Variants in SNX25 observed in about 807,000 individuals in gnomAD.
SNX25 encodes the protein sorting nexin-25.
In SNX25, 62 loss-of-function variants were observed where a neutral mutation model predicts 113.7. The ratio of observed to expected loss-of-function variants is 0.55; its 90% CI spans 0.44 to 0.67. The LOEUF is 0.67. SNX25 is among the 30% of genes least tolerant of loss of function. The probability of loss-of-function intolerance (pLI) is 0.00; values close to 1 mark genes in which losing one functional copy is unlikely to be tolerated. For missense variants in SNX25, 1,014 were observed against 1,161.0 expected (o/e 0.87, Z 1.84); for synonymous variants, 421 against 436.2 (o/e 0.97, Z 0.43).
rs188084757 is a variant in SNX25 at position 185,331,917 on chromosome 4, T to C, written c.1750-678T>C. ...TGGAACAAGAAAACCTGGAAGAAAG[T>C]TAAGGATAAACCAGAAGCTAGATCT... On this transcript the variant is annotated intron_variant, in intron 9 of 18. Coordinates refer to ENST00000652585, the MANE Select transcript of SNX25 (RefSeq NM_001378034.2). Among the ~76,000 whole-genome samples, 75 of 152,338 alleles carry C rather than the reference T, an allele frequency of 4.9e-4. 2 individuals carry two copies. The highest frequency in any genetic ancestry group is 4.6e-3 in the Admixed American group (71 of 15,310).
intron 1 of SNX25, among the ~76,000 whole-genome samples, chr4:185,235,831 A>T (rs3108281): frequency 0.65 from 98,518 of 152,064 alleles, 32,057 homozygotes; most frequent in East Asian, 0.75. Flanking sequence ...CCCTGCGGAG[A>T]CTGTCCTGCA....
intron 7 of SNX25, among the ~76,000 whole-genome samples, chr4:185,315,408 C>T (rs982840993): frequency 4.0e-5 from 6 of 151,174 alleles, no homozygotes; most frequent in Non-Finnish European, 7.4e-5. Flanking sequence ...ATTCTCCTCC[C>T]TCAGCCTCCC....
At chr4:185,340,984 G>A (rs1449156013) in intron 11 of SNX25, among the ~76,000 whole-genome samples, 2 of 152,198 alleles carry the variant, frequency 1.3e-5, no homozygotes, top group Non-Finnish European at 2.9e-5. Flanking sequence ...CAGGGACCCT[G>A]TCTGTGCCTC....
chr4:185,351,441 A>G lies in SNX25; in HGVS notation c.2302-4A>G, dbSNP rs1218814828. The stretch of plus-strand genomic sequence containing the variant: ...TGGAGCAGTTAATCCTCTTTCTTCC[A>G]TAGAATCTGCTTTCAGATGAAAGAC... On this transcript the variant is annotated splice_polypyrimidine_tract_variant and splice_region_variant and intron_variant, in intron 13 of 18. Transcript: ENST00000652585. 6.2e-7 allele frequency: 1 copy of G among 1,612,998 alleles called. No homozygotes were observed. Among genetic ancestry groups the G allele is most frequent in the Non-Finnish European group, 8.5e-7 (1 of 1,179,706 alleles).
intron 5 of SNX25, among the ~76,000 whole-genome samples, chr4:185,281,442 C>A (rs1750545866): frequency 6.6e-6 from 1 of 152,070 alleles, no homozygotes; most frequent in Non-Finnish European, 1.5e-5. Flanking sequence ...AATGATGATG[C>A]TTTAGTTTTA....
chr4:185,289,165 G>A lies in SNX25; in HGVS notation c.1162+1083G>A, dbSNP rs117072288. 9.3e-4 allele frequency among the ~76,000 whole-genome samples: 142 copies of A among 152,326 alleles called. 1 individual carries two copies. In the East Asian group the frequency reaches 0.025, roughly 27 times the overall value. On this transcript the variant is annotated intron_variant, in intron 6 of 18. Coordinates refer to ENST00000652585, the MANE Select transcript of SNX25 (RefSeq NM_001378034.2). ...AAGCCTGTGCAAATATGTCCATTCA[G>A]CAGTGTTTACTGAGCACCTACTGAG...
chr4:185,372,190 G>A (rs1024184819), downstream of SNX25, among the ~76,000 whole-genome samples: 4 of 152,178 alleles, frequency 2.6e-5, no homozygotes, highest in South Asian at 2.1e-4. Context: ...AAATGAAGAC[G>A]TAATAAATGT....
At chr4:185,208,980 T>C (rs916778692), upstream of SNX25, among the ~76,000 whole-genome samples, 1 of 152,170 alleles carries the variant, frequency 6.6e-6, no homozygotes, top group Non-Finnish European at 1.5e-5. Context: ...TTGAACTGAA[T>C]AGTTGGTAAA....
rs1263804081 is a variant in SNX25, at chr4:185,267,145, A to C, written c.1081A>C (p.Lys361Gln). Residue 361 changes from lysine to glutamine, a missense_variant, in exon 5 of 19, where the codon AAG (lysine) becomes CAG (glutamine). Physicochemically the swap from Lys to Gln is moderately conservative, Grantham distance 53. Transcript: ENST00000652585. ...INSNSDVEFLKQLRYQIVVEI... is the reference protein window; with the variant it reads ...INSNSDVEFLQQLRYQIVVEI... Reference sequence around the variant, plus strand: ...CAGCAACTCTGATGTGGAGTTCTTGAAGCAACTAAGGTATTTGGTCTTCAA... The same window carrying C: ...CAGCAACTCTGATGTGGAGTTCTTGCAGCAACTAAGGTATTTGGTCTTCAA... 1.9e-6 allele frequency: 3 copies of C among 1,613,484 alleles called. No homozygotes were observed. The highest frequency in any genetic ancestry group is 2.5e-6 in the Non-Finnish European group (3 of 1,179,744).
intron 4 of SNX25, 125 bp downstream of exon 4, chr4:185,264,735 T>A: frequency 1.9e-6 from 2 of 1,027,594 alleles, no homozygotes; most frequent in South Asian, 1.8e-5. Flanking sequence ...TATATGTCTC[T>A]AAAACTATTT....
chr4:185,286,629 T>G (rs1032334072), intron 5 of SNX25, among the ~76,000 whole-genome samples: 1 of 152,206 alleles, frequency 6.6e-6, no homozygotes, highest in Non-Finnish European at 1.5e-5. Flanking sequence ...CTCTGACTGC[T>G]GGGAAGAAAG....
intron 5 of SNX25, among the ~76,000 whole-genome samples, chr4:185,286,532 C>T (rs1418153882): frequency 6.6e-6 from 1 of 152,152 alleles, no homozygotes; most frequent in East Asian, 1.9e-4. Context: ...GGCTTTTCTG[C>T]GGAGGCTGCT....
At chr4:185,290,930 C>T (rs1382600850) in intron 6 of SNX25, among the ~76,000 whole-genome samples, 4 of 152,138 alleles carry the variant, frequency 2.6e-5, no homozygotes, top group African/African-American at 4.8e-5. Flanking sequence ...GGGGCAGTTA[C>T]GAACGTGGTC....
At chr4:185,321,111 T>G (rs572671295) in intron 8 of SNX25, among the ~76,000 whole-genome samples, 1 of 152,260 alleles carries the variant, frequency 6.6e-6, no homozygotes, top group East Asian at 1.9e-4. Flanking sequence ...GAATTTAGTT[T>G]TGGGTATTTT....
Position 185,323,485 on chromosome 4 carries a change from G to C in SNX25, c.1477-43G>C, listed in dbSNP as rs376879847. ...ATTCAGAGAAAAATAATTTCTCTCA[G>C]AGATGATATGTCTTACTTTTCCTTA... On this transcript the variant is annotated intron_variant, in intron 8 of 18. Coordinates refer to ENST00000652585, the MANE Select transcript of SNX25 (RefSeq NM_001378034.2). 13 of 1,541,266 alleles carry C rather than the reference G, an allele frequency of 8.4e-6. No homozygotes were observed. In the African/African-American group the frequency reaches 1.8e-4, roughly 22 times the overall value.
chr4:185,241,347 G>A (rs1352986893), intron 1 of SNX25, among the ~76,000 whole-genome samples: 3 of 151,886 alleles, frequency 2.0e-5, no homozygotes, highest in African/African-American at 7.2e-5. Flanking sequence ...GCGTGGCGGC[G>A]CGCGCCTGCA....
At chr4:185,336,988 A>C (rs570824639) in intron 10 of SNX25, among the ~76,000 whole-genome samples, 11 of 151,954 alleles carry the variant, frequency 7.2e-5, no homozygotes, top group Non-Finnish European at 1.5e-4. Context: ...TCGTGTCCTT[A>C]GCCCACTTTT....
chr4:185,323,513 T>C lies in SNX25; in HGVS notation c.1477-15T>C. ...ATGATATGTCTTACTTTTCCTTATC[T>C]TCCTGTCTTTTCAGAATGAAATTCC... On this transcript the variant is annotated splice_polypyrimidine_tract_variant and intron_variant, in intron 8 of 18. Transcript: ENST00000652585. The C allele has an allele frequency of 6.2e-7, 1 of 1,600,266 alleles. No homozygotes were observed. The highest frequency in any genetic ancestry group is 1.3e-5 in the African/African-American group (1 of 74,108).
intron 6 of SNX25, among the ~76,000 whole-genome samples, chr4:185,288,347 A>G (rs1298883415): frequency 6.6e-6 from 1 of 152,112 alleles, no homozygotes; most frequent in Admixed American, 6.5e-5. Flanking sequence ...ATCATTCAGT[A>G]TATGTTTCTG....
Sources: gnomAD v4.1 joint callset for allele counts (sites outside exome capture counted in the v4.1 genomes callset) on GRCh38, gnomAD v4.1.1 for gene constraint, MANE v1.5 for transcripts, NCBI Gene and HGNC (gene_info 2026-07-23, HGNC 2026-07-21) for gene names.